Variants in ZNF804A observed in about 807,000 individuals in gnomAD.
ZNF804A encodes zinc finger protein 804A.
Under a neutral mutation model 16.5 loss-of-function variants are expected in ZNF804A, and 2 were observed. The ratio of observed to expected loss-of-function variants is 0.12; its 90% confidence interval spans 0.05 to 0.38. ZNF804A has a LOEUF of 0.38. ZNF804A is among the 10% of genes least tolerant of loss of function. The pLI is 0.99. For synonymous variants in ZNF804A, 534 were observed against 489.6 expected, an observed-to-expected ratio of 1.09 and a Z score of -1.20; for missense variants, 1,473 against 1,390.7, an observed-to-expected ratio of 1.06 and a Z score of -0.94.
At chr2:184,690,375 T>C (rs948371904) in intron 1 of ZNF804A, among the ~76,000 whole-genome samples, 1 of 152,032 alleles carries the variant, frequency 6.6e-6, no homozygotes, top group African/African-American at 2.4e-5. Context: ...TCCATTCTAG[T>C]TGTCTATCAA....
At chr2:184,725,004 C>T (rs987052440) in intron 1 of ZNF804A, among the ~76,000 whole-genome samples, 2 of 151,686 alleles carry the variant, frequency 1.3e-5, no homozygotes, top group Non-Finnish European at 3.0e-5. Context: ...TTAGTGAATA[C>T]ATACAGTTAT....
intron 1 of ZNF804A, among the ~76,000 whole-genome samples, chr2:184,618,629 C>A (rs1319495146): frequency 1.3e-5 from 2 of 151,940 alleles, no homozygotes; most frequent in Non-Finnish European, 2.9e-5. Context: ...AACCTAGGGA[C>A]GACTGTATCA....
rs561342612 is a variant in ZNF804A, at chr2:184,824,838, AC to A, written c.112-41530del. Reference sequence around the variant, plus strand: ...ACTGGCAGCCAGGACTTAGCTGGGGACACCAGCTGGAACACCTGTAAGAGGC... The same window carrying A: ...ACTGGCAGCCAGGACTTAGCTGGGGAACCAGCTGGAACACCTGTAAGAGGC... On this transcript the variant is annotated intron_variant, in intron 1 of 3. Transcript: ENST00000302277. Among the ~76,000 whole-genome samples the A allele has an allele frequency of 7.5e-3, 1,133 of 152,026 alleles. 3 individuals are homozygous for A. The highest frequency in any genetic ancestry group is 0.012 in the Non-Finnish European group (824 of 68,008).
intron 1 of ZNF804A, among the ~76,000 whole-genome samples, chr2:184,849,924 A>G (rs900788101): frequency 3.3e-5 from 5 of 152,028 alleles, no homozygotes; most frequent in Non-Finnish European, 7.4e-5. Flanking sequence ...GACATCATGG[A>G]TGTAACTGGA....
At chr2:184,778,336 AT>A (rs1029116935) in intron 1 of ZNF804A, among the ~76,000 whole-genome samples, 4 of 151,480 alleles carry the variant, frequency 2.6e-5, no homozygotes, top group Admixed American at 2.0e-4. Flanking sequence ...AAAGATGATA[AT>A]TTTTTCCCCA....
intron 1 of ZNF804A, among the ~76,000 whole-genome samples, chr2:184,764,080 T>G (rs1215830977): frequency 1.3e-5 from 2 of 152,150 alleles, no homozygotes; most frequent in Non-Finnish European, 2.9e-5. Context: ...AATTATTTTT[T>G]TAAAGGATTG....
chr2:184,911,341 G>A lies in ZNF804A; in HGVS notation c.256-22262G>A, dbSNP rs564027344. ...TCCATTTGTCTATGTGTTTGTTTTT[G>A]TACCAGTACCATGTTGTTTGGTTAC... On this transcript the variant is annotated intron_variant, in intron 2 of 3. Transcript: ENST00000302277. Among the ~76,000 whole-genome samples the A allele has an allele frequency of 1.4e-3, 219 of 152,028 alleles. 1 individual carries two copies. The highest frequency in any genetic ancestry group is 3.3e-3 in the Admixed American group (51 of 15,256).
chr2:184,747,678 A>AT (rs200648402), intron 1 of ZNF804A, among the ~76,000 whole-genome samples: 128 of 149,180 alleles, frequency 8.6e-4, no homozygotes, highest in African/African-American at 2.8e-3. Flanking sequence ...TTCAATTTTA[A>AT]TTTTTTTTTT....
chr2:184,825,484 T>A (rs1461988208), intron 1 of ZNF804A, among the ~76,000 whole-genome samples: 2 of 152,074 alleles, frequency 1.3e-5, no homozygotes, highest in Admixed American at 1.3e-4. Flanking sequence ...ATATAAAAAT[T>A]AATGTGTGTG....
intron 1 of ZNF804A, among the ~76,000 whole-genome samples, chr2:184,812,628 C>A (rs1259436079): frequency 6.6e-6 from 1 of 152,022 alleles, no homozygotes; most frequent in East Asian, 1.9e-4. Flanking sequence ...CTATAAGTAT[C>A]ATTTACAATA....
rs184289718 is a variant in ZNF804A at position 184,840,395 on chromosome 2, A to G, written c.112-25974A>G. ...TGAGACTCTGTCTCAAAACAAAAAA[A>G]AAAGTCAATGAGACTCAAATCTTAA... On this transcript the variant is annotated intron_variant, in intron 1 of 3. Transcript: ENST00000302277. 4.9e-3 allele frequency among the ~76,000 whole-genome samples: 742 copies of G among 152,252 alleles called. 21 individuals carry two copies. Among genetic ancestry groups the G allele is most frequent in the Admixed American group, 0.044 (664 of 15,262 alleles).
chr2:184,851,778 G>A (rs537478837), intron 1 of ZNF804A, among the ~76,000 whole-genome samples: 17 of 151,838 alleles, frequency 1.1e-4, no homozygotes, highest in Admixed American at 5.3e-4. Flanking sequence ...TTTGCATAAT[G>A]GCTTGCTAAT....
intron 1 of ZNF804A, among the ~76,000 whole-genome samples, chr2:184,698,355 T>C (rs1033470126): frequency 2.6e-5 from 4 of 152,086 alleles, no homozygotes; most frequent in Admixed American, 2.0e-4. Flanking sequence ...TAACTTCTCT[T>C]ATACAGCTAA....
Position 184,937,862 on chromosome 2 carries a change from A to G in ZNF804A, c.2466A>G (p.Gly822=), listed in dbSNP as rs781274711. 3 of 1,614,136 alleles carry G rather than the reference A, an allele frequency of 1.9e-6. No homozygotes were observed. Among genetic ancestry groups the G allele is most frequent in the South Asian group, 2.2e-5 (2 of 91,080 alleles). The change falls in exon 4 of 4, where the codon GGA becomes GGG. Residue 822 remains glycine (G), a synonymous_variant. Transcript: ENST00000302277. ...GAAAAAGAGGCAGATTCCACCCCGG[A>G]TTTGAAACTTTAGAACTCAAAGAAA... is the stretch of plus-strand genomic sequence containing the variant. ...RRRKRGRFHP[G]FETLELKENT...
intron 1 of ZNF804A, among the ~76,000 whole-genome samples, chr2:184,803,744 C>A (rs981248031): frequency 3.9e-5 from 6 of 152,094 alleles, no homozygotes; most frequent in Non-Finnish European, 8.8e-5. Context: ...TTTCTTACCT[C>A]TTCTAGCTTC....
At chr2:184,621,877 A>G (rs1401617081) in intron 1 of ZNF804A, among the ~76,000 whole-genome samples, 1 of 151,834 alleles carries the variant, frequency 6.6e-6, no homozygotes, top group Non-Finnish European at 1.5e-5. Flanking sequence ...TGATTGGCAT[A>G]TGAGAAAAGA....
intron 1 of ZNF804A, among the ~76,000 whole-genome samples, chr2:184,607,351 T>G (rs763429953): frequency 6.6e-6 from 1 of 152,180 alleles, no homozygotes; most frequent in Admixed American, 6.5e-5. Context: ...TGACTCACAG[T>G]TCTGCATATC....
chr2:184,923,841 A>T (rs1269666263), intron 2 of ZNF804A, among the ~76,000 whole-genome samples: 1 of 151,980 alleles, frequency 6.6e-6, no homozygotes, highest in East Asian at 1.9e-4. Context: ...TGTTGATATG[A>T]TGTATCACAC....
At position 184,831,305 on chromosome 2, in the gene ZNF804A, CTG is replaced by C. The variant is rs528867955; in HGVS notation, c.112-35052_112-35051del. 8.0e-4 allele frequency among the ~76,000 whole-genome samples: 121 copies of C among 151,566 alleles called. 1 individual carries two copies. Among genetic ancestry groups the C allele is most frequent in the Middle Eastern group, 3.4e-3 (1 of 294 alleles). The stretch of plus-strand genomic sequence containing the variant: ...TTTTTTTTGCATTTTTTCCTTTACT[CTG>C]TGTGTGTGTGTCTTTTTTCAGTAAG... On this transcript the variant is annotated intron_variant, in intron 1 of 3. Coordinates refer to ENST00000302277, the MANE Select transcript of ZNF804A (RefSeq NM_194250.2).
Sources: gnomAD v4.1 joint callset for allele counts (sites outside exome capture counted in the v4.1 genomes callset) on GRCh38, gnomAD v4.1.1 for gene constraint, MANE v1.5 for transcripts, NCBI Gene and HGNC (gene_info 2026-07-23, HGNC 2026-07-21) for gene names.